Variants in CRPPA observed in about 807,000 individuals in gnomAD.
CRPPA encodes the protein CDP-L-ribitol pyrophosphorylase A.
Under a neutral mutation model 52.0 loss-of-function variants are expected in CRPPA, and 43 were observed. The ratio of observed to expected loss-of-function variants is 0.83; its 90% CI spans 0.65 to 1.07. CRPPA has a LOEUF of 1.07. Ranked by LOEUF, CRPPA falls within the 50% of genes least tolerant of loss-of-function variation. The probability of loss-of-function intolerance (pLI) is 0.00; values close to 1 mark genes in which losing one functional copy is unlikely to be tolerated. For missense variants in CRPPA, 629 were observed against 551.7 expected (o/e 1.14, Z -1.40); for synonymous variants, 250 against 203.5 (o/e 1.23, Z -1.94).
Position 16,339,027 on chromosome 7 carries a change from G to C in CRPPA, c.685-30400C>G, listed in dbSNP as rs188240855. On this transcript the variant is annotated intron_variant, in intron 3 of 9. Coordinates refer to ENST00000407010, the MANE Select transcript of CRPPA (RefSeq NM_001101426.4). ...AGAGATGGGGCTTCACCGTGGTCTC[G>C]ATCTCCTGACCTCGTGATCCGCCCG... Among the ~76,000 whole-genome samples, 96 of 151,700 alleles carry C rather than the reference G, an allele frequency of 6.3e-4. 1 individual carries two copies. Among genetic ancestry groups the C allele is most frequent in the African/African-American group, 2.3e-3 (95 of 41,404 alleles).
intron 9 of CRPPA, among the ~76,000 whole-genome samples, chr7:16,135,558 T>C (rs1782748243): frequency 6.6e-6 from 1 of 152,058 alleles, no homozygotes; most frequent in Non-Finnish European, 1.5e-5. Flanking sequence ...TACATTCTGA[T>C]AAAAAGGCCA....
At position 16,089,203 on chromosome 7, in the gene CRPPA, C is replaced by T. The variant is rs537945931; in HGVS notation, c.*2492G>A. 6.2e-4 allele frequency: 212 copies of T among 340,504 alleles called. 1 individual carries two copies. The highest frequency in any genetic ancestry group is 4.2e-3 in the African/African-American group (195 of 46,340). The allele number at this position is 340,504 out of a possible 1,614,324, so 21.1% of individuals were successfully genotyped here. ...GTATATACATATATGTGTGTATATA[C>T]GTACGTATATACATATATGTGTGTA... On this transcript the variant is annotated 3_prime_UTR_variant, in exon 10 of 10. Coordinates refer to ENST00000407010, the MANE Select transcript of CRPPA (RefSeq NM_001101426.4).
At chr7:16,299,094 C>G (rs1281518981) in intron 5 of CRPPA, among the ~76,000 whole-genome samples, 1 of 152,214 alleles carries the variant, frequency 6.6e-6, no homozygotes, top group East Asian at 1.9e-4. Context: ...CCTACTGGTT[C>G]TGTTTCTCTA....
chr7:16,392,569 G>C (rs934788400), intron 2 of CRPPA, among the ~76,000 whole-genome samples: 1 of 152,102 alleles, frequency 6.6e-6, no homozygotes, highest in Admixed American at 6.6e-5. Context: ...GGAGAGGGTA[G>C]ATGCACTCCC....
intron 9 of CRPPA, among the ~76,000 whole-genome samples, chr7:16,176,338 G>GTCCCAATGCCTCTGAAC (rs1242526224): frequency 1.3e-5 from 2 of 152,170 alleles, no homozygotes; most frequent in East Asian, 3.9e-4. Flanking sequence ...TTTCTTATCA[G>GTCCCAATGCCTCTGAAC]TCCCAATGCC....
At chr7:16,122,412 A>C (rs1782497115) in intron 9 of CRPPA, among the ~76,000 whole-genome samples, 1 of 152,082 alleles carries the variant, frequency 6.6e-6, no homozygotes, top group Non-Finnish European at 1.5e-5. Context: ...TAAACTTAGA[A>C]AAGAAAAAAA....
intron 3 of CRPPA, among the ~76,000 whole-genome samples, chr7:16,360,323 C>T (rs1786411376): frequency 6.6e-6 from 1 of 152,066 alleles, no homozygotes; most frequent in Non-Finnish European, 1.5e-5. Flanking sequence ...ATTTGGGACA[C>T]TATGCTAGAT....
chr7:16,216,132 T>G lies in CRPPA; in HGVS notation c.1185A>C (p.Arg395Ser). Residue 395 changes from arginine to serine, a missense_variant, in exon 9 of 10, where the codon AGA becomes AGC. Arg to Ser is a moderately radical substitution (Grantham distance 110, BLOSUM62 -1). Coordinates refer to ENST00000407010, the MANE Select transcript of CRPPA (RefSeq NM_001101426.4). ...SQKMENLMQI[R>S]EFAKEVKERN... ...TTTCTTTTACTTCCTTTGCAAATTC[T>G]CTAATCTGCATTAGGTTTTCCATTT... The G allele has an allele frequency of 6.3e-7, 1 of 1,592,296 alleles. No homozygotes were observed. Among genetic ancestry groups the G allele is most frequent in the South Asian group, 1.1e-5 (1 of 89,438 alleles).
chr7:16,327,570 G>A lies in CRPPA; in HGVS notation c.685-18943C>T, dbSNP rs372548006. Among the ~76,000 whole-genome samples, 50 of 132,624 alleles carry A rather than the reference G, an allele frequency of 3.8e-4. No individual in the cohort carries two copies. The South Asian group carries it at 0.011, about 29-fold the overall frequency. The allele number at this position is 132,624 out of a possible 152,430, so 87.0% of individuals were successfully genotyped here. A position where few individuals can be genotyped will look rare whatever the true frequency, so the allele number is the denominator to read the frequency against. On this transcript the variant is annotated intron_variant, in intron 3 of 9. Coordinates refer to ENST00000407010, the MANE Select transcript of CRPPA (RefSeq NM_001101426.4). ...ATTGCGCCACTGCAGTCCGCAGTCC[G>A]GCCTGGGCGACAGAGCGAGACTCCG...
chr7:16,249,023 G>C (rs1783361081), intron 8 of CRPPA, among the ~76,000 whole-genome samples: 1 of 152,174 alleles, frequency 6.6e-6, no homozygotes, highest in African/African-American at 2.4e-5. Context: ...TGGGATGCTT[G>C]AGTTTGGTGC....
intron 1 of CRPPA, among the ~76,000 whole-genome samples, chr7:16,409,905 C>T (rs978320234): frequency 2.6e-5 from 4 of 152,162 alleles, no homozygotes; most frequent in African/African-American, 4.8e-5. Flanking sequence ...TGCCTTACAC[C>T]TAACTCTTAG....
intron 8 of CRPPA, among the ~76,000 whole-genome samples, chr7:16,257,312 G>C (rs1783671142): frequency 1.3e-5 from 2 of 151,990 alleles, no homozygotes; most frequent in Non-Finnish European, 2.9e-5. Flanking sequence ...GGAATAAAAG[G>C]CCAAACACAG....
At chr7:16,308,245 G>A (rs1274008639) in intron 4 of CRPPA, among the ~76,000 whole-genome samples, 1 of 152,066 alleles carries the variant, frequency 6.6e-6, no homozygotes, top group Admixed American at 6.5e-5. Flanking sequence ...CTTTATATTA[G>A]TGTGAGAACA....
chr7:16,149,830 C>T (rs1783041185), intron 9 of CRPPA, among the ~76,000 whole-genome samples: 1 of 151,918 alleles, frequency 6.6e-6, no homozygotes, highest in African/African-American at 2.4e-5. Flanking sequence ...TACTAAAATA[C>T]AAAATATTAG....
chr7:16,253,117 T>G (rs1783506822), intron 8 of CRPPA, among the ~76,000 whole-genome samples: 1 of 152,220 alleles, frequency 6.6e-6, no homozygotes. Context: ...AGTTCTGCTC[T>G]GATCTTAATT....
At chr7:16,162,973 CTTTTT>C (rs377244023) in intron 9 of CRPPA, among the ~76,000 whole-genome samples, 1 of 120,828 alleles carries the variant, frequency 8.3e-6, no homozygotes, top group Non-Finnish European at 1.7e-5. Context: ...TTTTCTTTCT[CTTTTT>C]TTTTTTTTTT....
intron 8 of CRPPA, among the ~76,000 whole-genome samples, chr7:16,241,697 T>C (rs1783111731): frequency 6.6e-6 from 1 of 152,174 alleles, no homozygotes; most frequent in South Asian, 2.1e-4. Context: ...AAGGATATTT[T>C]GGGAAAACCT....
At chr7:16,417,882 A>C (rs1312928688) in intron 1 of CRPPA, among the ~76,000 whole-genome samples, 2 of 152,222 alleles carry the variant, frequency 1.3e-5, no homozygotes, top group Non-Finnish European at 2.9e-5. Flanking sequence ...TAAATGATTG[A>C]CAGTGGTGAC....
intron 1 of CRPPA, among the ~76,000 whole-genome samples, chr7:16,414,388 CACACACACACACA>C (rs1788141550): frequency 8.3e-6 from 1 of 120,600 alleles, no homozygotes; most frequent in Non-Finnish European, 1.8e-5. Flanking sequence ...CACACACACA[CACACACACACACA>C]CCCCATGACA....
Sources: allele counts gnomAD v4.1 joint callset (sites outside exome capture counted in the v4.1 genomes callset), GRCh38; gene constraint gnomAD v4.1.1; transcripts MANE v1.5; gene names NCBI Gene and HGNC (gene_info 2026-07-23, HGNC 2026-07-21).